Variants in LGR4 observed in about 807,000 individuals in gnomAD.
LGR4 encodes leucine-rich repeat-containing G protein-coupled receptor 4.
A neutral mutation model predicts 84.8 loss-of-function variants in LGR4; 44 were observed. The ratio of observed to expected loss-of-function variants is 0.52; its 90% confidence interval spans 0.41 to 0.67. The LOEUF (loss-of-function observed/expected upper bound fraction) is 0.67, where lower values mean the gene tolerates loss of function less well. Ranked by LOEUF, LGR4 falls within the 30% of genes least tolerant of loss-of-function variation. The pLI is 0.00. For missense variants in LGR4, 1,032 were observed against 1,131.4 expected (o/e 0.91, Z 1.26); for synonymous variants, 429 against 434.3 (o/e 0.99, Z 0.15).
At chr11:27,400,779 G>A (rs536518531) in intron 2 of LGR4, among the ~76,000 whole-genome samples, 2 of 152,278 alleles carry the variant, frequency 1.3e-5, no homozygotes, top group South Asian at 2.1e-4. Context: ...TTACAGGTGT[G>A]AGCCACCGCG....
intron 2 of LGR4, among the ~76,000 whole-genome samples, chr11:27,398,027 T>C (rs1191581919): frequency 3.3e-5 from 5 of 152,244 alleles, no homozygotes; most frequent in Admixed American, 2.6e-4. Flanking sequence ...GTGCAATGTC[T>C]CTATGAATCT....
At chr11:27,376,766 C>T (rs1187508730) in intron 12 of LGR4, among the ~76,000 whole-genome samples, 1 of 152,186 alleles carries the variant, frequency 6.6e-6, no homozygotes, top group Non-Finnish European at 1.5e-5. Flanking sequence ...TACAGGACTA[C>T]ATAGAGTTAA....
chr11:27,403,539 T>G (rs1399656343), intron 2 of LGR4, among the ~76,000 whole-genome samples: 1 of 152,254 alleles, frequency 6.6e-6, no homozygotes, highest in Non-Finnish European at 1.5e-5. Flanking sequence ...GATAAAGCAC[T>G]ATGCATTTAT....
At chr11:27,375,315 AAAAAG>A (rs968879744) in intron 13 of LGR4, among the ~76,000 whole-genome samples, 1 of 146,786 alleles carries the variant, frequency 6.8e-6, no homozygotes, top group Non-Finnish European at 1.5e-5. Context: ...AAAAAAAAAG[AAAAAG>A]AAAAGAAAAA....
chr11:27,391,881 T>C (rs1863292752), intron 3 of LGR4, among the ~76,000 whole-genome samples: 1 of 152,174 alleles, frequency 6.6e-6, no homozygotes, highest in East Asian at 1.9e-4. Flanking sequence ...ACCAGAGAGG[T>C]CTAATGACCT....
In LGR4 at chr11:27,376,320, C is replaced by A; in HGVS notation, c.1160G>T (p.Gly387Val). 6.3e-7 allele frequency: 1 copy of A among 1,581,024 alleles called. No individual in the cohort carries two copies. The change falls in exon 13 of 18, where the codon GGC becomes GTC. Residue 387 changes from glycine to valine, a missense_variant. Coordinates refer to ENST00000379214, the MANE Select transcript of LGR4 (RefSeq NM_018490.5). ...IYQIKEGTFQGLISLRILDLS... is the reference protein window; with the variant it reads ...IYQIKEGTFQVLISLRILDLS... ...TTACAGAATCCTTAGAGATATCAGGCCTTGAAAGGTGCCTTCCTTTATTTG... is the reference window on the plus strand; with the variant it reads ...TTACAGAATCCTTAGAGATATCAGGACTTGAAAGGTGCCTTCCTTTATTTG...
At chr11:27,403,149 A>C (rs1399227938) in intron 2 of LGR4, among the ~76,000 whole-genome samples, 1 of 152,214 alleles carries the variant, frequency 6.6e-6, no homozygotes, top group Non-Finnish European at 1.5e-5. Context: ...AAGACAGTAC[A>C]TCCAATAAAC....
Position 27,472,410 on chromosome 11 carries a change from G to A in LGR4, c.-108C>T. 3 of 908,842 alleles carry A rather than the reference G, an allele frequency of 3.3e-6. No homozygotes were observed. Among genetic ancestry groups the A allele is most frequent in the Non-Finnish European group, 4.3e-6 (3 of 699,836 alleles). 56.3% of individuals were successfully genotyped at this position (908,842 alleles called of 1,614,324 possible). A position where few individuals can be genotyped will look rare whatever the true frequency, so the allele number is the denominator to read the frequency against. On this transcript the variant is annotated 5_prime_UTR_variant, in exon 1 of 18. Transcript: ENST00000379214. ...AGCCGGCCTGCGGGCTGGAGCGGGG[G>A]TCTCTTCCTCGGCGGTCCGCGCGGG...
At chr11:27,411,397 A>AAAC (rs574935674) in intron 2 of LGR4, among the ~76,000 whole-genome samples, 1 of 151,956 alleles carries the variant, frequency 6.6e-6, no homozygotes, top group South Asian at 2.1e-4. Flanking sequence ...AGAAAAAAAA[A>AAAC]AACAACAACA....
intron 1 of LGR4, among the ~76,000 whole-genome samples, chr11:27,440,897 T>C (rs1864294943): frequency 1.3e-5 from 2 of 152,194 alleles, no homozygotes; most frequent in African/African-American, 4.8e-5. Context: ...CTCAGCAATG[T>C]GTTTTACACA....
intron 1 of LGR4, among the ~76,000 whole-genome samples, chr11:27,450,678 C>T (rs796644091): frequency 2.6e-5 from 4 of 152,246 alleles, no homozygotes; most frequent in African/African-American, 9.6e-5. Flanking sequence ...ATCCCACCTA[C>T]TCGGGAGGCT....
At chr11:27,415,426 C>T (rs1863796839) in intron 1 of LGR4, among the ~76,000 whole-genome samples, 1 of 152,108 alleles carries the variant, frequency 6.6e-6, no homozygotes, top group Admixed American at 6.6e-5. Context: ...CCACACTATT[C>T]TCTGCATTCC....
intron 1 of LGR4, among the ~76,000 whole-genome samples, chr11:27,459,889 G>C (rs912960550): frequency 1.3e-5 from 2 of 151,296 alleles, no homozygotes; most frequent in Non-Finnish European, 2.9e-5. Flanking sequence ...TCAGGAGTTC[G>C]AGACCAGCGG....
chr11:27,379,370 T>C (rs1863048127), intron 10 of LGR4, among the ~76,000 whole-genome samples: 1 of 152,184 alleles, frequency 6.6e-6, no homozygotes, highest in South Asian at 2.1e-4. Flanking sequence ...GCTGTCATAA[T>C]TCAATGTGTT....
intron 1 of LGR4, among the ~76,000 whole-genome samples, chr11:27,469,218 C>T (rs568561771): frequency 3.9e-5 from 6 of 152,272 alleles, no homozygotes; most frequent in Admixed American, 1.3e-4. Context: ...TCACATCTGA[C>T]GCTGTCCCCA....
rs114902667 is a variant in LGR4 at position 27,388,083 on chromosome 11, C to A, written c.402-2615G>T. 1.5e-3 allele frequency among the ~76,000 whole-genome samples: 223 copies of A among 152,170 alleles called. 2 individuals are homozygous for A. The highest frequency in any genetic ancestry group is 4.9e-3 in the African/African-American group (205 of 41,530). On this transcript the variant is annotated intron_variant, in intron 4 of 17. Coordinates refer to ENST00000379214, the MANE Select transcript of LGR4 (RefSeq NM_018490.5). ...AAGCATGGATACAATTTCCTCCGTA[C>A]TAAAAATTTCCAAAAAATTGTGAAG...
In LGR4 at chr11:27,373,574, T is replaced by A. The variant is rs753900885; in HGVS notation, c.1356A>T (p.Ala452=). ...ACCTGAGGTTAACAAAGTCTTTTGC[T>A]GCTAAGGCTTCTTTCAGCTTGAAGT... is the stretch of plus-strand genomic sequence containing the variant. ...VGNFKLKEAL[A]AKDFVNLRSL... Residue 452 remains alanine (A), a synonymous_variant, in exon 15 of 18, where the codon GCA becomes GCT. Coordinates refer to ENST00000379214, the MANE Select transcript of LGR4 (RefSeq NM_018490.5). 13 of 1,591,352 alleles carry A rather than the reference T, an allele frequency of 8.2e-6. No homozygotes were observed. Among genetic ancestry groups the A allele is most frequent in the Non-Finnish European group, 1.1e-5 (13 of 1,166,588 alleles).
intron 2 of LGR4, among the ~76,000 whole-genome samples, chr11:27,403,348 A>C (rs1293299998): frequency 6.6e-6 from 1 of 152,130 alleles, no homozygotes. Flanking sequence ...GCTACTCAGG[A>C]AGCTGAGGTG....
At chr11:27,398,380 A>G (rs2133384033) in intron 2 of LGR4, among the ~76,000 whole-genome samples, 1 of 152,358 alleles carries the variant, frequency 6.6e-6, no homozygotes, top group Non-Finnish European at 1.5e-5. Flanking sequence ...TGTGAAATAG[A>G]GAATTTACCA....
Sources: gnomAD v4.1 joint callset for allele counts (sites outside exome capture counted in the v4.1 genomes callset) on GRCh38, gnomAD v4.1.1 for gene constraint, MANE v1.5 for transcripts, NCBI Gene and HGNC (gene_info 2026-07-23, HGNC 2026-07-21) for gene names.